Variants in KLF13 observed in about 807,000 individuals in gnomAD.
KLF13 encodes the protein KLF transcription factor 13.
A neutral mutation model predicts 16.7 loss-of-function variants in KLF13; 8 were observed. That is an observed-to-expected ratio of 0.48 (90% CI 0.28 to 0.87). The LOEUF (loss-of-function observed/expected upper bound fraction) is 0.87, where lower values mean the gene tolerates loss of function less well. Ranked by LOEUF, KLF13 falls within the 40% of genes least tolerant of loss-of-function variation. The pLI is 0.10. For missense variants in KLF13, 447 were observed against 452.2 expected, an observed-to-expected ratio of 0.99 and a Z score of 0.10; for synonymous variants, 245 against 208.4, an observed-to-expected ratio of 1.18 and a Z score of -1.51.
At chr15:31,345,236 A>AGT (rs1175013597) in intron 1 of KLF13, among the ~76,000 whole-genome samples, 1 of 152,068 alleles carries the variant, frequency 6.6e-6, no homozygotes, top group African/African-American at 2.4e-5. Context: ...ACAGGGGTGG[A>AGT]GTGGGGACTT....
chr15:31,429,650 A>C lies in KLF13; in HGVS notation n.118-5720A>C, dbSNP rs1253202565. Among the ~76,000 whole-genome samples the C allele has an allele frequency of 4.6e-5, 7 of 152,174 alleles. 1 individual carries two copies. Among genetic ancestry groups the C allele is most frequent in the Non-Finnish European group, 8.8e-5 (6 of 68,024 alleles). On this transcript the variant is annotated intron_variant and non_coding_transcript_variant, in intron 1 of 1. Coordinates refer to the KLF13 transcript ENST00000558225. ...AGCAAAACAATGTATCTGTAGAAGA[A>C]AATACAGGAGACTAACTTTATGATC...
In KLF13 at chr15:31,373,793, TCCTC is replaced by T. The variant is rs2039596838; in HGVS notation, c.*1496_*1499del. The T allele has an allele frequency of 6.7e-6, 1 of 149,302 alleles. No individual in the cohort carries two copies. The highest frequency in any genetic ancestry group is 1.5e-5 in the Non-Finnish European group (1 of 67,646). The allele number at this position is 149,302 out of a possible 1,614,324, so 9.2% of individuals were successfully genotyped here. On this transcript the variant is annotated 3_prime_UTR_variant, in exon 2 of 2. Coordinates refer to ENST00000307145, the MANE Select transcript of KLF13 (RefSeq NM_015995.4). The stretch of plus-strand genomic sequence containing the variant: ...TTGTGGCCCAGGTATCACCTTCCCT[TCCTC>T]CTGAGAGTTGAGGCCTGTAAATACA...
At chr15:31,347,630 G>C (rs1172869517) in intron 1 of KLF13, among the ~76,000 whole-genome samples, 1 of 152,226 alleles carries the variant, frequency 6.6e-6, no homozygotes, top group Non-Finnish European at 1.5e-5. Flanking sequence ...GTAGGGGAGA[G>C]AGGCGGGGCA....
intron 1 of KLF13, among the ~76,000 whole-genome samples, chr15:31,360,149 C>T (rs530475189): frequency 3.1e-4 from 47 of 152,344 alleles, no homozygotes; most frequent in African/African-American, 9.9e-4. Context: ...CTTTTCTTCC[C>T]GGCTGGTGTC....
chr15:31,422,107 T>C (rs2040333612), intron 1 of KLF13, among the ~76,000 whole-genome samples: 1 of 141,052 alleles, frequency 7.1e-6, no homozygotes, highest in African/African-American at 2.7e-5. Flanking sequence ...AGAGCAAGAC[T>C]CCATCTCAAA....
intron 1 of KLF13, among the ~76,000 whole-genome samples, chr15:31,335,435 A>ATGTGTGTGTGTG (rs71110867): frequency 2.3e-4 from 8 of 34,938 alleles, no homozygotes; most frequent in African/African-American, 5.7e-4. Context: ...GTGTGTGTGT[A>ATGTGTGTGTGTG]TGTGTGTGTG....
intron 1 of KLF13, among the ~76,000 whole-genome samples, chr15:31,362,886 A>G (rs991329395): frequency 6.6e-6 from 1 of 152,136 alleles, no homozygotes; most frequent in African/African-American, 2.4e-5. Flanking sequence ...AACTCATTCT[A>G]CTTCTTTGCG....
intron 1 of KLF13, among the ~76,000 whole-genome samples, chr15:31,415,160 G>A (rs574780634): frequency 6.6e-6 from 1 of 152,208 alleles, no homozygotes; most frequent in South Asian, 2.1e-4. Flanking sequence ...GAGTCCATGA[G>A]TGAAAGCAGC....
chr15:31,369,472 G>A (rs1222334010), intron 1 of KLF13, among the ~76,000 whole-genome samples: 4 of 152,188 alleles, frequency 2.6e-5, no homozygotes, highest in Admixed American at 6.5e-5. Flanking sequence ...AGGCATTTTC[G>A]TTTACATCTA....
downstream of KLF13, among the ~76,000 whole-genome samples, chr15:31,407,016 G>A (rs1029822263): frequency 4.6e-5 from 7 of 152,182 alleles, no homozygotes; most frequent in Non-Finnish European, 1.0e-4. Flanking sequence ...TTCCATGTGA[G>A]ATAACATATT....
chr15:31,368,378 A>T (rs1332601525), intron 1 of KLF13, among the ~76,000 whole-genome samples: 1 of 152,202 alleles, frequency 6.6e-6, no homozygotes, highest in African/African-American at 2.4e-5. Flanking sequence ...CAAGAGTGGA[A>T]TTATCATGCA....
rs535733738 is a variant in KLF13 at position 31,374,538 on chromosome 15, G to T, written c.*2239G>T. The T allele has an allele frequency of 4.6e-5, 7 of 152,644 alleles. No homozygotes were observed. The highest frequency in any genetic ancestry group is 7.3e-5 in the Non-Finnish European group (5 of 68,052). The allele number at this position is 152,644 out of a possible 1,614,324, so 9.5% of individuals were successfully genotyped here. A position where few individuals can be genotyped will look rare whatever the true frequency, so the allele number is the denominator to read the frequency against. On this transcript the variant is annotated 3_prime_UTR_variant, in exon 2 of 2. Transcript: ENST00000307145. ...GTCCCTCCCAAAGTTGTTTTCGTGT[G>T]AGGCAGAGAAAGCCACACTCTGAAT...
chr15:31,339,699 G>T (rs2038989825), intron 1 of KLF13, among the ~76,000 whole-genome samples: 1 of 152,222 alleles, frequency 6.6e-6, no homozygotes, highest in Non-Finnish European at 1.5e-5. Flanking sequence ...CCAGAGGCCT[G>T]GCCCCCTCCC....
intron 1 of KLF13, chr15:31,435,349 G>A (rs1178246686): frequency 3.9e-5 from 6 of 152,188 alleles, no homozygotes; most frequent in African/African-American, 1.2e-4. Flanking sequence ...ACGGCCTCAA[G>A]AGGCTCTCGA....
chr15:31,394,736 A>G (rs1416254589), intron 2 of KLF13, among the ~76,000 whole-genome samples: 1 of 152,160 alleles, frequency 6.6e-6, no homozygotes, highest in African/African-American at 2.4e-5. Flanking sequence ...CAGACGTGCA[A>G]CCATTACCAC....
intron 1 of KLF13, among the ~76,000 whole-genome samples, chr15:31,331,876 A>G (rs553750005): frequency 4.9e-4 from 75 of 152,308 alleles, no homozygotes; most frequent in Middle Eastern, 3.4e-3. Flanking sequence ...ACATTTTGAA[A>G]CATACTTAAA....
chr15:31,352,990 T>C (rs2039239995), intron 1 of KLF13, among the ~76,000 whole-genome samples: 1 of 152,146 alleles, frequency 6.6e-6, no homozygotes. Context: ...CCACCTAGGC[T>C]GTGGGCTCTG....
intron 1 of KLF13, among the ~76,000 whole-genome samples, chr15:31,353,075 AG>A (rs200208888): frequency 6.6e-6 from 1 of 152,246 alleles, no homozygotes; most frequent in East Asian, 1.9e-4. Flanking sequence ...AGGTAGTGAC[AG>A]GGAAGGGACC....
At chr15:31,330,266 G>T (rs567615066) in intron 1 of KLF13, among the ~76,000 whole-genome samples, 1 of 152,336 alleles carries the variant, frequency 6.6e-6, no homozygotes, top group South Asian at 2.1e-4. Flanking sequence ...GCCTCTAGCA[G>T]CATTGTGGGG....
Sources: allele counts gnomAD v4.1 joint callset (sites outside exome capture counted in the v4.1 genomes callset), GRCh38; gene constraint gnomAD v4.1.1; transcripts MANE v1.5; gene names NCBI Gene and HGNC (gene_info 2026-07-23, HGNC 2026-07-21).